Variants in CDC14B observed in about 807,000 individuals in gnomAD.
CDC14B encodes the protein dual specificity protein phosphatase CDC14B.
A neutral mutation model predicts 64.2 loss-of-function variants in CDC14B; 22 were observed. The ratio of observed to expected loss-of-function variants is 0.34; its 90% CI spans 0.24 to 0.49. The LOEUF (loss-of-function observed/expected upper bound fraction) is 0.49, where lower values mean the gene tolerates loss of function less well. Among genes scored for constraint, CDC14B ranks in the 20% least tolerant of loss-of-function variants. The probability of loss-of-function intolerance (pLI) is 0.99; values close to 1 mark genes in which losing one functional copy is unlikely to be tolerated. For synonymous variants in CDC14B, 191 were observed against 215.8 expected (o/e 0.89, Z 1.01); for missense variants, 498 against 629.9 (o/e 0.79, Z 2.24).
chr9:96,532,587 T>A (rs1278018885), intron 9 of CDC14B, among the ~76,000 whole-genome samples: 1 of 152,170 alleles, frequency 6.6e-6, no homozygotes, highest in Non-Finnish European at 1.5e-5. Flanking sequence ...ACTCCCACGA[T>A]CTGTATCTTG....
rs1181971895 is a variant in CDC14B, at chr9:96,515,023, C to T, written c.1344-5234G>A. The stretch of plus-strand genomic sequence containing the variant: ...CAATTTAAACAGGCGACCTCAGCTC[C>T]GACCTCCTACTTTCATTTAGCATCA... On this transcript the variant is annotated intron_variant, in intron 12 of 13. Transcript: ENST00000375241. This position sits in a 1 kb window ranked among gnomAD's most constrained non-coding sequence, Gnocchi z 4.3. 7 of 549,876 alleles carry T rather than the reference C, an allele frequency of 1.3e-5. No homozygotes were observed. The highest frequency in any genetic ancestry group is 4.1e-5 in the African/African-American group (2 of 48,800). 34.1% of individuals were successfully genotyped at this position (549,876 alleles called of 1,614,324 possible). A position where few individuals can be genotyped will look rare whatever the true frequency, so the allele number is the denominator to read the frequency against.
At chr9:96,598,623 C>T (rs1272448397) in intron 1 of CDC14B, among the ~76,000 whole-genome samples, 2 of 152,148 alleles carry the variant, frequency 1.3e-5, no homozygotes, top group Non-Finnish European at 2.9e-5. Flanking sequence ...GTGTGAGCCA[C>T]TGTGCCCGGC....
rs752747139 is a variant in CDC14B at position 96,534,546 on chromosome 9, C to T, written c.628-4G>A. The T allele has an allele frequency of 6.2e-7, 1 of 1,601,226 alleles. No individual in the cohort carries two copies. The highest frequency in any genetic ancestry group is 2.2e-5 in the East Asian group (1 of 44,776). ...TTAAATCTCCATTTTCTGCTTTCTG[C>T]AAGGGGAAGACCAGCACAATTCGTT... On this transcript the variant is annotated splice_region_variant and splice_polypyrimidine_tract_variant and intron_variant, in intron 7 of 13. Transcript: ENST00000375241.
intron 13 of CDC14B, among the ~76,000 whole-genome samples, chr9:96,494,914 A>C (rs1397098963): frequency 1.3e-5 from 2 of 148,978 alleles, no homozygotes; most frequent in African/African-American, 2.5e-5. Context: ...GGCTCACTGC[A>C]AGCTCTGTCT....
At chr9:96,569,256 T>C (rs923630262) in intron 1 of CDC14B, among the ~76,000 whole-genome samples, 3 of 152,224 alleles carry the variant, frequency 2.0e-5, no homozygotes, top group African/African-American at 7.2e-5. Flanking sequence ...AAGCATATAA[T>C]GAGCACAGTA....
At chr9:96,612,090 A>C (rs530254229) in intron 1 of CDC14B, among the ~76,000 whole-genome samples, 1 of 152,350 alleles carries the variant, frequency 6.6e-6, no homozygotes, top group African/African-American at 2.4e-5. Context: ...TTTACAGGGA[A>C]TCTTTCTAAA....
chr9:96,551,111 CT>C lies in CDC14B; in HGVS notation c.497+684del, dbSNP rs202193145. On this transcript the variant is annotated intron_variant, in intron 5 of 13. Coordinates refer to ENST00000375241, the MANE Select transcript of CDC14B (RefSeq NM_033331.4). ...TACAAAGCCTAGGTTTTGGGGTTTG[CT>C]TTTTTTTTTTTTTTTTTTGAGACAA... Among the ~76,000 whole-genome samples, 105 of 93,292 alleles carry C rather than the reference CT, an allele frequency of 1.1e-3. 2 individuals are homozygous for C. The highest frequency in any genetic ancestry group is 2.0e-3 in the Admixed American group (17 of 8,302). The allele number at this position is 93,292 out of a possible 152,430, so 61.2% of individuals were successfully genotyped here.
downstream of CDC14B, among the ~76,000 whole-genome samples, chr9:96,496,578 A>G (rs1000737385): frequency 3.3e-5 from 5 of 152,212 alleles, no homozygotes; most frequent in Non-Finnish European, 7.4e-5. Flanking sequence ...CGGCTACTTA[A>G]GGACACGCCA....
At chr9:96,542,833 AC>A (rs1840262409) in intron 5 of CDC14B, among the ~76,000 whole-genome samples, 1 of 151,406 alleles carries the variant, frequency 6.6e-6, no homozygotes, top group Admixed American at 6.6e-5. Flanking sequence ...AGATGATGAA[AC>A]CCTGTCTCTA....
At chr9:96,589,147 G>C (rs1845632564) in intron 1 of CDC14B, among the ~76,000 whole-genome samples, 1 of 151,984 alleles carries the variant, frequency 6.6e-6, no homozygotes, top group Admixed American at 6.6e-5. Context: ...ACCAGCCTGG[G>C]CAACACAGTG....
intron 5 of CDC14B, among the ~76,000 whole-genome samples, chr9:96,550,464 T>G (rs1473624536): frequency 6.6e-6 from 1 of 152,222 alleles, no homozygotes; most frequent in African/African-American, 2.4e-5. Context: ...ATCCCAAGGC[T>G]CATCTACAAT....
intron 1 of CDC14B, among the ~76,000 whole-genome samples, chr9:96,566,264 C>T (rs1386713706): frequency 6.6e-6 from 1 of 152,094 alleles, no homozygotes; most frequent in Non-Finnish European, 1.5e-5. Context: ...TAAGAAAATA[C>T]TTACACTCAC....
intron 1 of CDC14B, among the ~76,000 whole-genome samples, chr9:96,616,110 G>A (rs1454270695): frequency 6.6e-6 from 1 of 152,194 alleles, no homozygotes; most frequent in African/African-American, 2.4e-5. Context: ...GGGGGATCAC[G>A]AAGTCAGGAG....
At chr9:96,576,248 C>G (rs1281819619) in intron 1 of CDC14B, among the ~76,000 whole-genome samples, 1 of 152,064 alleles carries the variant, frequency 6.6e-6, no homozygotes, top group Non-Finnish European at 1.5e-5. Context: ...CCACTGCACT[C>G]CAGCCTGTGC....
chr9:96,595,798 T>C (rs1384005591), intron 1 of CDC14B, among the ~76,000 whole-genome samples: 1 of 152,120 alleles, frequency 6.6e-6, no homozygotes, highest in East Asian at 1.9e-4. Flanking sequence ...TGCGCCTGGC[T>C]GGGAGAGGTG....
Position 96,541,850 on chromosome 9 carries a change from A to G in CDC14B, c.540T>C (p.Leu180=). 1 of 1,609,462 alleles carries G rather than the reference A, an allele frequency of 6.2e-7. No individual in the cohort carries two copies. Among genetic ancestry groups the G allele is most frequent in the Non-Finnish European group, 8.5e-7 (1 of 1,176,738 alleles). ...CCTTCTTTACTGCATGAAAACAGTC[A>G]AGAAGTGTAATGTAGAAATTGCAAC... ...YGSCNFYITL[L]DCFHAVKKAM... is the part of the protein sequence containing the mutation. The change falls in exon 6 of 14, where the codon CTT becomes CTC. Residue 180 remains leucine, a synonymous_variant. Transcript: ENST00000375241.
At chr9:96,509,601 A>C in intron 13 of CDC14B, 72 bp downstream of exon 13, 1 of 867,016 alleles carries the variant, frequency 1.2e-6, no homozygotes, top group Non-Finnish European at 2.0e-6. Flanking sequence ...CAGTCTCCAG[A>C]GGTAGGGTCC....
chr9:96,587,669 AGTCTGAT>A (rs1440747561), intron 1 of CDC14B, among the ~76,000 whole-genome samples: 1 of 152,242 alleles, frequency 6.6e-6, no homozygotes, highest in Non-Finnish European at 1.5e-5. Flanking sequence ...ACCTTTCACC[AGTCTGAT>A]GACATAGGTC....
intron 4 of CDC14B, among the ~76,000 whole-genome samples, chr9:96,562,157 A>C (rs1343817596): frequency 1.3e-5 from 2 of 152,234 alleles, no homozygotes; most frequent in Non-Finnish European, 2.9e-5. Flanking sequence ...TGTGGTATGT[A>C]ACCCATCTTC....
Sources: gnomAD v4.1 joint callset for allele counts (sites outside exome capture counted in the v4.1 genomes callset) on GRCh38, gnomAD v4.1.1 for gene constraint, Gnocchi (gnomAD v3.1) non-coding constraint, MANE v1.5 for transcripts, NCBI Gene and HGNC (gene_info 2026-07-23, HGNC 2026-07-21) for gene names.